Variants in CTSH observed in about 807,000 individuals in gnomAD.
The protein encoded by CTSH is pro-cathepsin H.
CTSH carries 52 observed loss-of-function variants against 56.3 expected under a neutral mutation model. That is an observed-to-expected ratio of 0.92 (90% CI 0.74 to 1.16). The LOEUF (loss-of-function observed/expected upper bound fraction) is 1.16. Among genes scored for constraint, CTSH ranks in the 50% most tolerant of loss-of-function variants. The pLI is 0.00. For missense variants in CTSH, 406 were observed against 424.5 expected (o/e 0.96, Z 0.38); for synonymous variants, 174 against 155.7 (o/e 1.12, Z -0.88).
chr15:78,937,278 C>A (rs1217364238), intron 3 of CTSH, 40 bp downstream of exon 3: 2 of 1,567,018 alleles, frequency 1.3e-6, no homozygotes, highest in Non-Finnish European at 8.8e-7. Context: ...GGGTCACTAA[C>A]TGACATCCTT....
Position 78,937,430 on chromosome 15 carries a change from C to G in CTSH, c.124-7G>C, listed in dbSNP as rs192427940. 6.2e-7 allele frequency: 1 copy of G among 1,609,898 alleles called. No individual in the cohort carries two copies. The highest frequency in any genetic ancestry group is 8.5e-7 in the Non-Finnish European group (1 of 1,176,924). On this transcript the variant is annotated splice_region_variant and splice_polypyrimidine_tract_variant and intron_variant, in intron 2 of 11. Transcript: ENST00000220166. Reference sequence around the variant, plus strand: ...TACTGTAGGTCTTACGGTGCTAAAACAAAACACGCCAGTAGCAAGTCATGG... The same window carrying G: ...TACTGTAGGTCTTACGGTGCTAAAAGAAAACACGCCAGTAGCAAGTCATGG...
At chr15:78,930,819 G>T (rs1267896752) in intron 7 of CTSH, among the ~76,000 whole-genome samples, 1 of 152,154 alleles carries the variant, frequency 6.6e-6, no homozygotes, top group African/African-American at 2.4e-5. Flanking sequence ...GGAGGTGGAG[G>T]GGAGTCGAGG....
intron 2 of CTSH, among the ~76,000 whole-genome samples, chr15:78,938,834 T>C (rs1014931991): frequency 9.4e-6 from 1 of 106,688 alleles, no homozygotes; most frequent in Non-Finnish European, 2.7e-5. Context: ...GGAACCTCCA[T>C]ACTGTTTTTT....
intron 1 of CTSH, among the ~76,000 whole-genome samples, chr15:78,943,457 T>C (rs1475936474): frequency 6.6e-6 from 1 of 152,190 alleles, no homozygotes; most frequent in Non-Finnish European, 1.5e-5. Context: ...CTCGAACTCC[T>C]GACCTAAAGT....
At position 78,943,838 on chromosome 15, in the gene CTSH, C is replaced by T. The variant is rs73472316; in HGVS notation, c.91+1053G>A. On this transcript the variant is annotated intron_variant, in intron 1 of 11. Transcript: ENST00000220166. ...CTGGAATTCAGACAGCCTCTCAGCG[C>T]CAGCCTTCTCCAGGCAGCCCTCGCT... Among the ~76,000 whole-genome samples, 386 of 152,382 alleles carry T rather than the reference C, an allele frequency of 2.5e-3. 3 individuals are homozygous for T. Among genetic ancestry groups the T allele is most frequent in the African/African-American group, 9.0e-3 (374 of 41,594 alleles).
In CTSH at chr15:78,921,752, A is replaced by G. The variant is rs1053321155; in HGVS notation, c.*378T>C. 1.0e-5 allele frequency: 2 copies of G among 194,190 alleles called. No individual in the cohort carries two copies. The highest frequency in any genetic ancestry group is 2.1e-5 in the Non-Finnish European group (2 of 94,636). 12.0% of individuals were successfully genotyped at this position (194,190 alleles called of 1,614,324 possible). ...ACAGACCTGGTTTGAGTCATGGCCCAGGACCAGCATGCTCCATCTGGGGAG... is the reference window on the plus strand; with the variant it reads ...ACAGACCTGGTTTGAGTCATGGCCCGGGACCAGCATGCTCCATCTGGGGAG... On this transcript the variant is annotated 3_prime_UTR_variant, in exon 12 of 12. Transcript: ENST00000220166.
chr15:78,940,203 C>A (rs565434339), intron 1 of CTSH, among the ~76,000 whole-genome samples: 1 of 152,162 alleles, frequency 6.6e-6, no homozygotes, highest in Non-Finnish European at 1.5e-5. Context: ...GGATTCCTGC[C>A]GTATTTCCCC....
chr15:78,937,895 G>T, intron 2 of CTSH: 1 of 947,886 alleles, frequency 1.1e-6, no homozygotes, highest in Non-Finnish European at 1.5e-6. Flanking sequence ...GTAATATTTC[G>T]ATACATTCAT....
intron 9 of CTSH, chr15:78,926,696 C>A (rs759185249): frequency 3.9e-5 from 6 of 152,206 alleles, no homozygotes; most frequent in Non-Finnish European, 8.8e-5. Context: ...TGGAATGACA[C>A]ATTCTTAGTT....
Position 78,944,948 on chromosome 15 carries a change from C to T in CTSH, c.34G>A (p.Ala12Thr), listed in dbSNP as rs543936667. Residue 12 changes from alanine to threonine, a missense_variant, in exon 1 of 12, where the codon GCC becomes ACC. By Grantham distance (58) the Ala-to-Thr change is moderately conservative. Transcript: ENST00000220166. The part of the protein sequence containing the change: ...WATLPLLCAG[A>T]WLLGVPVCGA... ...CAGACGGGGACTCCCAGGAGCCAGGCCCCGGCGCAGAGCAGCGGCAGCGTG... is the reference window on the plus strand; with the variant it reads ...CAGACGGGGACTCCCAGGAGCCAGGTCCCGGCGCAGAGCAGCGGCAGCGTG... 4.5e-6 allele frequency: 7 copies of T among 1,547,274 alleles called. No individual in the cohort carries two copies. The East Asian group carries it at 1.2e-4, about 27-fold the overall frequency.
chr15:78,934,733 G>C, intron 5 of CTSH: 2 of 547,918 alleles, frequency 3.7e-6, no homozygotes, highest in South Asian at 1.9e-5. Context: ...AAAATCTGGG[G>C]CGTGGGGAAG....
Position 78,937,425 on chromosome 15 carries a change from T to G in CTSH, c.124-2A>C. 2 of 1,612,882 alleles carry G rather than the reference T, an allele frequency of 1.2e-6. No individual in the cohort carries two copies. Among genetic ancestry groups the G allele is most frequent in the South Asian group, 2.2e-5 (2 of 90,962 alleles). ...CTCCGTACTGTAGGTCTTACGGTGC[T>G]AAAACAAAACACGCCAGTAGCAAGT... On this transcript the variant is annotated splice_acceptor_variant, in intron 2 of 11. Coordinates refer to ENST00000220166, the MANE Select transcript of CTSH (RefSeq NM_004390.5). LOFTEE classifies it high-confidence loss of function.
chr15:78,927,362 A>G lies in CTSH; in HGVS notation c.699+351T>C. The stretch of plus-strand genomic sequence containing the variant: ...ACCTGGCTCATCCTGAGTGACACAC[A>G]CTCACCCTCCTCAGTTTCACACACG... On this transcript the variant is annotated intron_variant, in intron 9 of 11. Transcript: ENST00000220166. 3 of 330,998 alleles carry G rather than the reference A, an allele frequency of 9.1e-6. No homozygotes were observed. In the South Asian group the frequency reaches 1.0e-4, roughly 11 times the overall value. 20.5% of individuals were successfully genotyped at this position (330,998 alleles called of 1,614,324 possible).
chr15:78,934,377 G>C (rs1173239647), intron 5 of CTSH, among the ~76,000 whole-genome samples: 1 of 152,254 alleles, frequency 6.6e-6, no homozygotes, highest in Non-Finnish European at 1.5e-5. Flanking sequence ...GGCCGCAGCA[G>C]GCCGGGAGAA....
chr15:78,935,197 G>A (rs768329442), intron 4 of CTSH, 115 bp from the exon 5 acceptor site: 2 of 718,040 alleles, frequency 2.8e-6, no homozygotes, highest in Non-Finnish European at 2.3e-6. Context: ...AAGAAAGGCT[G>A]CAGCTCTCAG....
intron 1 of CTSH, among the ~76,000 whole-genome samples, chr15:78,943,250 CCTGTTT>C (rs1555447050): frequency 2.0e-5 from 3 of 149,010 alleles, no homozygotes; most frequent in South Asian, 2.1e-4. Context: ...ACAGTATTCC[CCTGTTT>C]GTTTGTTTGT....
chr15:78,928,861 T>C (rs2054981291), intron 8 of CTSH, among the ~76,000 whole-genome samples: 1 of 152,180 alleles, frequency 6.6e-6, no homozygotes, highest in Middle Eastern at 3.4e-3. Flanking sequence ...CCAACAGGAC[T>C]GTGGACACCT....
chr15:78,936,287 T>C (rs1239740661), intron 3 of CTSH, among the ~76,000 whole-genome samples: 3 of 151,378 alleles, frequency 2.0e-5, no homozygotes, highest in Non-Finnish European at 4.4e-5. Flanking sequence ...ATTCAAGCGA[T>C]TCTCCTGCCT....
At chr15:78,924,539 G>A (rs769441223) in intron 10 of CTSH, among the ~76,000 whole-genome samples, 2 of 152,140 alleles carry the variant, frequency 1.3e-5, no homozygotes, top group South Asian at 2.1e-4. Flanking sequence ...CCAGGCAGGC[G>A]AAAAGGTGTG....
Sources: gnomAD v4.1 joint callset for allele counts (sites outside exome capture counted in the v4.1 genomes callset) on GRCh38, gnomAD v4.1.1 for gene constraint, MANE v1.5 for transcripts, NCBI Gene and HGNC (gene_info 2026-07-23, HGNC 2026-07-21) for gene names.